Variants in CCDC88C observed in about 807,000 individuals in gnomAD.
The protein encoded by CCDC88C is protein Daple.
CCDC88C carries 131 observed loss-of-function variants against 198.8 expected under a neutral mutation model. That is an observed-to-expected ratio of 0.66 (90% confidence interval 0.57 to 0.76). CCDC88C has a LOEUF of 0.76. CCDC88C is among the 30% of genes least tolerant of loss of function. CCDC88C has a pLI of 0.00. For synonymous variants in CCDC88C, 1,166 were observed against 1,114.7 expected, an observed-to-expected ratio of 1.05 and a Z score of -0.92; for missense variants, 2,553 against 2,631.6, an observed-to-expected ratio of 0.97 and a Z score of 0.65.
At chr14:91,326,331 G>A (rs1173078618) in intron 10 of CCDC88C, among the ~76,000 whole-genome samples, 1 of 152,046 alleles carries the variant, frequency 6.6e-6, no homozygotes, top group Non-Finnish European at 1.5e-5. Context: ...TCCTGCCTTA[G>A]CCTCCCAAGT....
chr14:91,402,038 G>A (rs1261327495), intron 3 of CCDC88C, among the ~76,000 whole-genome samples: 1 of 152,162 alleles, frequency 6.6e-6, no homozygotes, highest in East Asian at 1.9e-4. Context: ...ACTTTGAGAG[G>A]GTGAGGCGGG....
chr14:91,338,253 C>G lies in CCDC88C; in HGVS notation c.892-90G>C. On this transcript the variant is annotated intron_variant, in intron 9 of 29. Coordinates refer to ENST00000389857, the MANE Select transcript of CCDC88C (RefSeq NM_001080414.4). The surrounding 1 kb of genome is among the most constrained non-coding windows in gnomAD (Gnocchi z 4.8). The stretch of plus-strand genomic sequence containing the variant: ...ATTGCCCTTCTGCATGGTGTCTCCA[C>G]GACGGCCCAGGACAAGCCAGCTCCT... 6.7e-7 allele frequency: 1 copy of G among 1,501,970 alleles called. No homozygotes were observed. Among genetic ancestry groups the G allele is most frequent in the African/African-American group, 1.4e-5 (1 of 72,836 alleles). The allele number at this position is 1,501,970 out of a possible 1,614,324, so 93.0% of individuals were successfully genotyped here. A position where few individuals can be genotyped will look rare whatever the true frequency, so the allele number is the denominator to read the frequency against.
Position 91,381,651 on chromosome 14 carries a change from G to A in CCDC88C, c.271-21940C>T, listed in dbSNP as rs1462070123. Among the ~76,000 whole-genome samples, 1 of 152,148 alleles carries A rather than the reference G, an allele frequency of 6.6e-6. No homozygotes were observed. The highest frequency in any genetic ancestry group is 1.5e-5 in the Non-Finnish European group (1 of 68,036). ...AGTTCGAGACCACCCTGGCCAACTTGGTGAAACCCCGTCTCTACTAAAAAT... is the reference window on the plus strand; with the variant it reads ...AGTTCGAGACCACCCTGGCCAACTTAGTGAAACCCCGTCTCTACTAAAAAT... On this transcript the variant is annotated intron_variant, in intron 3 of 29. Transcript: ENST00000389857. The surrounding 1 kb of genome is among the most constrained non-coding windows in gnomAD (Gnocchi z 4.2).
intron 13 of CCDC88C, among the ~76,000 whole-genome samples, chr14:91,318,133 C>T (rs1239138207): frequency 1.3e-5 from 2 of 152,172 alleles, no homozygotes; most frequent in Non-Finnish European, 2.9e-5. Flanking sequence ...GAAACCAAAA[C>T]ACTGAGTCAG....
chr14:91,312,091 T>A (rs943083206), intron 15 of CCDC88C, among the ~76,000 whole-genome samples: 1 of 152,128 alleles, frequency 6.6e-6, no homozygotes, highest in Non-Finnish European at 1.5e-5. Context: ...AGTAAACCTA[T>A]AGGATTAAAT....
intron 13 of CCDC88C, among the ~76,000 whole-genome samples, chr14:91,316,099 C>T (rs1397358384): frequency 2.6e-5 from 4 of 152,242 alleles, no homozygotes; most frequent in Non-Finnish European, 5.9e-5. Flanking sequence ...GCTTCCTGTC[C>T]TCCTGGAGAC....
In CCDC88C at chr14:91,279,238, C is replaced by T; in HGVS notation, c.4768G>A (p.Gly1590Ser). The T allele has an allele frequency of 6.3e-7, 1 of 1,591,220 alleles. No homozygotes were observed. Among genetic ancestry groups the T allele is most frequent in the Non-Finnish European group, 8.6e-7 (1 of 1,167,110 alleles). ...AAGTACACAGAAGCACAAGACTTAC[C>T]TTTTAGGTTAAGAGGTGAGCTGTTG... is the stretch of plus-strand genomic sequence containing the variant. The part of the protein sequence containing the change: ...SSNSSPLNLK[G>S]SSEQLHGRSE... Residue 1590 changes from glycine to serine, a missense_variant and splice_region_variant, in exon 28 of 30, where the codon GGC becomes AGC. This residue lies in a region of CCDC88C where 1,293 missense variants were observed against 1,219.6 expected (regional missense o/e 1.06). Coordinates refer to ENST00000389857, the MANE Select transcript of CCDC88C (RefSeq NM_001080414.4).
chr14:91,371,564 T>C lies in CCDC88C; in HGVS notation c.271-11853A>G, dbSNP rs1894805164. 6.6e-6 allele frequency among the ~76,000 whole-genome samples: 1 copy of C among 152,098 alleles called. No individual in the cohort carries two copies. Among genetic ancestry groups the C allele is most frequent in the Admixed American group, 6.5e-5 (1 of 15,284 alleles). ...CCGAGGAGCCTGTGGAGTCACAGACTGGGACCAAGACTGCCTCCCACACCC... is the reference window on the plus strand; with the variant it reads ...CCGAGGAGCCTGTGGAGTCACAGACCGGGACCAAGACTGCCTCCCACACCC... On this transcript the variant is annotated intron_variant, in intron 3 of 29. Transcript: ENST00000389857. The surrounding 1 kb of genome is among the most constrained non-coding windows in gnomAD (Gnocchi z 4.2).
At chr14:91,304,176 A>G (rs760032904) in intron 19 of CCDC88C, among the ~76,000 whole-genome samples, 198 bp from the exon 20 acceptor site, 13 of 152,252 alleles carry the variant, frequency 8.5e-5, no homozygotes, top group Admixed American at 2.6e-4. Context: ...ACGGGCACTC[A>G]GAGGGTACTT....
rs767858927 is a variant in CCDC88C, at chr14:91,417,728, C to T, written c.-38G>A. 5.4e-6 allele frequency: 8 copies of T among 1,469,600 alleles called. No homozygotes were observed. Among genetic ancestry groups the T allele is most frequent in the Non-Finnish European group, 6.3e-6 (7 of 1,108,802 alleles). The allele number at this position is 1,469,600 out of a possible 1,614,324, so 91.0% of individuals were successfully genotyped here. A position where few individuals can be genotyped will look rare whatever the true frequency, so the allele number is the denominator to read the frequency against. On this transcript the variant is annotated 5_prime_UTR_variant, in exon 1 of 30. Coordinates refer to ENST00000389857, the MANE Select transcript of CCDC88C (RefSeq NM_001080414.4). ...CCCGCCGGCTCCGCGCCCCCCGCCC[C>T]GCGTCCCCGTTCCCCCGCGCCGCGG...
intron 20 of CCDC88C, among the ~76,000 whole-genome samples, chr14:91,302,726 A>G (rs752927904): frequency 2.0e-5 from 3 of 152,228 alleles, no homozygotes; most frequent in Non-Finnish European, 4.4e-5. Context: ...GAGTTTCACT[A>G]TATGATTCTG....
At chr14:91,336,538 C>T (rs901288283) in intron 10 of CCDC88C, among the ~76,000 whole-genome samples, 3 of 152,266 alleles carry the variant, frequency 2.0e-5, no homozygotes, top group South Asian at 2.1e-4. Flanking sequence ...GCAATGCAGC[C>T]GTCAGAAGCT....
intron 13 of CCDC88C, among the ~76,000 whole-genome samples, chr14:91,319,294 A>G (rs758992952): frequency 2.0e-5 from 3 of 152,180 alleles, no homozygotes; most frequent in African/African-American, 7.2e-5. Flanking sequence ...TGTGACAGGG[A>G]TCCTCTTAAC....
chr14:91,293,279 G>C (rs192995482), intron 23 of CCDC88C, among the ~76,000 whole-genome samples: 478 of 5,470 alleles, frequency 0.087, no homozygotes, highest in Admixed American at 0.18. Flanking sequence ...TGCCACGGCC[G>C]ACCTTCCTGT....
chr14:91,362,105 A>G (rs541463857), intron 3 of CCDC88C, among the ~76,000 whole-genome samples: 1 of 152,200 alleles, frequency 6.6e-6, no homozygotes, highest in African/African-American at 2.4e-5. Context: ...CTGGTGACGC[A>G]TGCCTGTAAC....
intron 29 of CCDC88C, among the ~76,000 whole-genome samples, chr14:91,275,581 G>A (rs1889923418): frequency 6.6e-6 from 1 of 151,154 alleles, no homozygotes; most frequent in Non-Finnish European, 1.5e-5. Flanking sequence ...GGGTTCAAGA[G>A]ATTCTCCTGC....
chr14:91,290,776 C>T (rs1020482959), intron 24 of CCDC88C, among the ~76,000 whole-genome samples: 1 of 152,168 alleles, frequency 6.6e-6, no homozygotes, highest in Non-Finnish European at 1.5e-5. Context: ...CTAAATGAAG[C>T]CTGTGTCTCA....
chr14:91,326,201 C>CA (rs555227795), intron 10 of CCDC88C, 145 bp from the exon 11 acceptor site: 15 of 567,464 alleles, frequency 2.6e-5, no homozygotes, highest in Admixed American at 1.4e-4. Context: ...TTTTCCTCTA[C>CA]TTTTTTTTTT....
intron 3 of CCDC88C, among the ~76,000 whole-genome samples, chr14:91,404,049 G>C (rs1034789718): frequency 6.6e-6 from 1 of 152,254 alleles, no homozygotes; most frequent in East Asian, 1.9e-4. Flanking sequence ...GGCAGCGTGG[G>C]GCTCTGGCCC....
Sources: gnomAD v4.1 joint callset for allele counts (sites outside exome capture counted in the v4.1 genomes callset) on GRCh38, gnomAD v4.1.1 for gene constraint, gnomAD v4.1.1 regional missense constraint, Gnocchi (gnomAD v3.1) non-coding constraint, MANE v1.5 for transcripts, NCBI Gene and HGNC (gene_info 2026-07-23, HGNC 2026-07-21) for gene names.